The following FRS2 variants were observed in gnomAD, a reference collection of about 807,000 sequenced individuals.
The protein encoded by FRS2 is fibroblast growth factor receptor substrate 2.
Under a neutral mutation model 43.9 loss-of-function variants are expected in FRS2, and 8 were observed. That is an observed-to-expected ratio of 0.18 (90% CI 0.11 to 0.33). The LOEUF is 0.33. Ranked by LOEUF, FRS2 falls within the 10% of genes least tolerant of loss-of-function variation. The pLI, the probability that FRS2 is intolerant of heterozygous loss-of-function variation, is 1.00. For synonymous variants in FRS2, 219 were observed against 220.3 expected, an observed-to-expected ratio of 0.99 and a Z score of 0.05; for missense variants, 534 against 627.6, an observed-to-expected ratio of 0.85 and a Z score of 1.59.
intron 3 of FRS2, among the ~76,000 whole-genome samples, chr12:69,547,856 T>G (rs1432835148): frequency 3.8e-5 from 5 of 131,068 alleles, no homozygotes; most frequent in African/African-American, 9.5e-5. Context: ...TTTTTTTTTT[T>G]GTGAGTCAGG....
In FRS2 at chr12:69,496,963, G is replaced by C. The variant is rs577010463; in HGVS notation, c.-261+26433G>C. On this transcript the variant is annotated intron_variant, in intron 1 of 8. Coordinates refer to ENST00000549921, the MANE Select transcript of FRS2 (RefSeq NM_001278356.2). ...GCAAGGTTTAGATATTATTCCAAAT[G>C]TATGAAAGAGGAAATGAGGAAGCAA... 5.5e-4 allele frequency among the ~76,000 whole-genome samples: 84 copies of C among 152,308 alleles called. 1 individual carries two copies. Among genetic ancestry groups the C allele is most frequent in the Middle Eastern group, 3.4e-3 (1 of 294 alleles).
rs375658975 is a variant in FRS2 at position 69,555,561 on chromosome 12, G to T, written c.-121-6619G>T. Among the ~76,000 whole-genome samples, 18 of 152,314 alleles carry T rather than the reference G, an allele frequency of 1.2e-4. No homozygotes were observed. The East Asian group carries it at 3.1e-3, about 26-fold the overall frequency. On this transcript the variant is annotated intron_variant, in intron 3 of 8. Transcript: ENST00000549921. ...TTGACCCTTTAACAACACAGGGTTTGAACCGTATGGATCCACTTATAGATG... is the reference window on the plus strand; with the variant it reads ...TTGACCCTTTAACAACACAGGGTTTTAACCGTATGGATCCACTTATAGATG...
At position 69,570,362 on chromosome 12, in the gene FRS2, T is replaced by C; in HGVS notation, c.98T>C (p.Leu33Ser). 6.2e-7 allele frequency: 1 copy of C among 1,614,026 alleles called. No individual in the cohort carries two copies. Among genetic ancestry groups the C allele is most frequent in the Non-Finnish European group, 8.5e-7 (1 of 1,179,852 alleles). Reference protein sequence around the residue: ...VINVDDDGNELGSGIMELTDT... With the variant: ...VINVDDDGNESGSGIMELTDT... ...AATGTGGATGATGATGGGAATGAGT[T>C]AGGTTCTGGCATAATGGAACTTACA... Residue 33 changes from leucine to serine, a missense_variant, in exon 6 of 9, where the codon TTA becomes TCA. Physicochemically the swap from Leu to Ser is moderately radical, Grantham distance 145 (BLOSUM62 -2). Transcript: ENST00000549921.
rs948271371 is a variant in FRS2, at chr12:69,577,138, G to A, written c.*2183G>A. 3 of 151,856 alleles carry A rather than the reference G, an allele frequency of 2.0e-5. No homozygotes were observed. The highest frequency in any genetic ancestry group is 2.9e-5 in the Non-Finnish European group (2 of 67,938). The allele number at this position is 151,856 out of a possible 1,614,324, so 9.4% of individuals were successfully genotyped here. On this transcript the variant is annotated 3_prime_UTR_variant, in exon 9 of 9. Transcript: ENST00000549921. The stretch of plus-strand genomic sequence containing the variant: ...CGTCATCCTTTTCATTGTTTCCCCC[G>A]GATTCTAATTAGTTTTTATTTTTTT...
rs1881305130 is a variant in FRS2, at chr12:69,578,032, A to G, written c.*3077A>G. 6.5e-6 allele frequency: 1 copy of G among 152,698 alleles called. No homozygotes were observed. Among genetic ancestry groups the G allele is most frequent in the African/African-American group, 2.4e-5 (1 of 41,564 alleles). 9.5% of individuals were successfully genotyped at this position (152,698 alleles called of 1,614,324 possible). A position where few individuals can be genotyped will look rare whatever the true frequency, so the allele number is the denominator to read the frequency against. ...GCACAGCATATAAAAATGTACCTCA[A>G]TAATGTTCTATTAAAAATGGGACAG... On this transcript the variant is annotated 3_prime_UTR_variant, in exon 9 of 9. Transcript: ENST00000549921.
chr12:69,511,255 A>G (rs1874424763), intron 1 of FRS2, among the ~76,000 whole-genome samples: 1 of 152,192 alleles, frequency 6.6e-6, no homozygotes, highest in Non-Finnish European at 1.5e-5. Context: ...ATCATTCATT[A>G]AGCAGTCAAT....
chr12:69,489,696 G>T (rs892426127), intron 1 of FRS2, among the ~76,000 whole-genome samples: 1 of 151,394 alleles, frequency 6.6e-6, no homozygotes, highest in Non-Finnish European at 1.5e-5. Flanking sequence ...AAAATTATTG[G>T]TTGGTTGGTG....
At chr12:69,509,138 C>T (rs796262491) in intron 1 of FRS2, among the ~76,000 whole-genome samples, 4 of 152,008 alleles carry the variant, frequency 2.6e-5, no homozygotes, top group African/African-American at 9.6e-5. Flanking sequence ...AGATAGTCTA[C>T]TGCATCCTGA....
chr12:69,506,633 A>G (rs544009739), intron 1 of FRS2, among the ~76,000 whole-genome samples: 2 of 152,146 alleles, frequency 1.3e-5, no homozygotes, highest in East Asian at 1.9e-4. Flanking sequence ...TTCGGTGTCT[A>G]CTTCTTCTTT....
Position 69,555,029 on chromosome 12 carries a change from TA to T in FRS2, c.-121-7150del, listed in dbSNP as rs552912415. The stretch of plus-strand genomic sequence containing the variant: ...AGCCCAGCTTTATTTTTTTTAATAA[TA>T]TTTTTTTTTACCTTTTTTCGTTTTT... On this transcript the variant is annotated intron_variant, in intron 3 of 8. Coordinates refer to ENST00000549921, the MANE Select transcript of FRS2 (RefSeq NM_001278356.2). Among the ~76,000 whole-genome samples the T allele has an allele frequency of 9.7e-4, 146 of 151,248 alleles. 1 individual carries two copies. Among genetic ancestry groups the T allele is most frequent in the Middle Eastern group, 3.4e-3 (1 of 292 alleles).
In FRS2 at chr12:69,570,645, G is replaced by T. The variant is rs1429990348; in HGVS notation, c.253+128G>T. 4.8e-6 allele frequency: 3 copies of T among 629,146 alleles called. No homozygotes were observed. The East Asian group carries it at 8.2e-5, about 17-fold the overall frequency. The allele number at this position is 629,146 out of a possible 1,614,324, so 39.0% of individuals were successfully genotyped here. ...CAAAATAAACAGATTGTTAAGGAAA[G>T]ATATAGTATACTGTGTATTAATTTA... On this transcript the variant is annotated intron_variant, in intron 6 of 8. Coordinates refer to ENST00000549921, the MANE Select transcript of FRS2 (RefSeq NM_001278356.2).
intron 1 of FRS2, among the ~76,000 whole-genome samples, chr12:69,505,017 T>TTGTAC (rs879569159): frequency 4.7e-4 from 72 of 152,298 alleles, no homozygotes; most frequent in Non-Finnish European, 9.6e-4. Flanking sequence ...TTGTATTGTA[T>TTGTAC]TGTACTGTAC....
chr12:69,485,327 C>T (rs576464764), intron 1 of FRS2, among the ~76,000 whole-genome samples: 172 of 152,012 alleles, frequency 1.1e-3, no homozygotes, highest in South Asian at 3.5e-3. Context: ...GGACTACAGG[C>T]GCCCGACACC....
chr12:69,514,829 CT>C (rs2135585904), intron 1 of FRS2, among the ~76,000 whole-genome samples: 1 of 57,796 alleles, frequency 1.7e-5, no homozygotes, highest in South Asian at 1.3e-3. Flanking sequence ...GGGACTGTGT[CT>C]CAAAAAAAAA....
At chr12:69,473,009 G>T (rs994242743) in intron 1 of FRS2, among the ~76,000 whole-genome samples, 1 of 152,188 alleles carries the variant, frequency 6.6e-6, no homozygotes, top group Non-Finnish European at 1.5e-5. Context: ...AAATACTTAT[G>T]GGTGGTTTGA....
chr12:69,476,753 C>CGGGGGGGGTGGGGGGGGGGGGGGG (rs1870812294), intron 1 of FRS2, among the ~76,000 whole-genome samples: 1 of 80,110 alleles, frequency 1.2e-5, no homozygotes, highest in Non-Finnish European at 2.5e-5. Context: ...GGGGGAGGGA[C>CGGGGGGGGTGGGGGGGGGGGGGGG]GGGGGGGGGT....
At chr12:69,496,072 G>A (rs986621779) in intron 1 of FRS2, among the ~76,000 whole-genome samples, 1 of 152,140 alleles carries the variant, frequency 6.6e-6, no homozygotes, top group Non-Finnish European at 1.5e-5. Context: ...TTTCTTTTAA[G>A]TTTTAGTGTG....
chr12:69,503,051 C>T (rs758986270), intron 1 of FRS2, among the ~76,000 whole-genome samples: 1 of 152,152 alleles, frequency 6.6e-6, no homozygotes, highest in Non-Finnish European at 1.5e-5. Context: ...AGGTTGAAAT[C>T]GAGGTGTCAG....
At chr12:69,547,830 CTTTTTTTTTTT>C (rs71094722) in intron 3 of FRS2, among the ~76,000 whole-genome samples, 247 of 102,768 alleles carry the variant, frequency 2.4e-3, no homozygotes, top group East Asian at 0.018. Flanking sequence ...TCCATTAATA[CTTTTTTTTTTT>C]TTTTTTTTTT....
Sources: gnomAD v4.1 joint callset for allele counts (sites outside exome capture counted in the v4.1 genomes callset) on GRCh38, gnomAD v4.1.1 for gene constraint, MANE v1.5 for transcripts, NCBI Gene and HGNC (gene_info 2026-07-23, HGNC 2026-07-21) for gene names.